Variants in GABRG1 observed in about 807,000 individuals in gnomAD.
GABRG1 encodes the protein gamma-aminobutyric acid type A receptor subunit gamma1.
GABRG1 carries 49 observed loss-of-function variants against 49.8 expected under a neutral mutation model. The ratio of observed to expected loss-of-function variants is 0.98; its 90% confidence interval spans 0.78 to 1.25. The LOEUF is 1.25. GABRG1 is among the 50% of genes most tolerant of loss of function. The probability of loss-of-function intolerance (pLI) is 0.00; values close to 1 mark genes in which losing one functional copy is unlikely to be tolerated. For synonymous variants in GABRG1, 232 were observed against 185.1 expected, an observed-to-expected ratio of 1.25 and a Z score of -2.06; for missense variants, 552 against 552.3, an observed-to-expected ratio of 1.00 and a Z score of 0.01.
chr4:46,116,425 G>A (rs1720889306), intron 1 of GABRG1, among the ~76,000 whole-genome samples: 1 of 150,728 alleles, frequency 6.6e-6, no homozygotes, highest in Non-Finnish European at 1.5e-5. Flanking sequence ...CACACTCTCT[G>A]AGACTTTGGG....
At chr4:46,081,028 C>T (rs554460012) in intron 3 of GABRG1, among the ~76,000 whole-genome samples, 1 of 151,972 alleles carries the variant, frequency 6.6e-6, no homozygotes, top group East Asian at 1.9e-4. Flanking sequence ...AGAACTAATA[C>T]TAAAAAGATT....
At chr4:46,044,789 A>T (rs1717925767) in intron 8 of GABRG1, among the ~76,000 whole-genome samples, 1 of 152,128 alleles carries the variant, frequency 6.6e-6, no homozygotes, top group Non-Finnish European at 1.5e-5. Flanking sequence ...CCTACTGTGC[A>T]TGTAGAGAGT....
intron 1 of GABRG1, among the ~76,000 whole-genome samples, chr4:46,122,953 G>T (rs1721133259): frequency 6.6e-6 from 1 of 151,956 alleles, no homozygotes; most frequent in Non-Finnish European, 1.5e-5. Context: ...TATAATCGAA[G>T]AATGATACCT....
At position 46,096,303 on chromosome 4, in the gene GABRG1, A is replaced by C. The variant is rs1344923331; in HGVS notation, c.253+898T>G. ...CAGTATGTGGGAGTTAAATAATATC[A>C]ATAACAACTGAGAATCCCGAGTAAA... is the stretch of plus-strand genomic sequence containing the variant. On this transcript the variant is annotated intron_variant, in intron 2 of 8. Coordinates refer to ENST00000295452, the MANE Select transcript of GABRG1 (RefSeq NM_173536.4). Among the ~76,000 whole-genome samples, 3 of 151,738 alleles carry C rather than the reference A, an allele frequency of 2.0e-5. No individual in the cohort carries two copies. In the East Asian group the frequency reaches 5.8e-4, roughly 29 times the overall value.
intron 5 of GABRG1, among the ~76,000 whole-genome samples, chr4:46,064,188 G>T (rs1003098666): frequency 1.3e-5 from 2 of 151,794 alleles, no homozygotes; most frequent in Non-Finnish European, 1.5e-5. Context: ...ATAAAAATAA[G>T]CAAATAGCAT....
chr4:46,103,430 G>A (rs1161727437), intron 1 of GABRG1, among the ~76,000 whole-genome samples: 1 of 151,316 alleles, frequency 6.6e-6, no homozygotes, highest in Non-Finnish European at 1.5e-5. Flanking sequence ...TAGTTAGTTG[G>A]TCATTATTTC....
At chr4:46,111,321 A>G (rs1275916608) in intron 1 of GABRG1, among the ~76,000 whole-genome samples, 1 of 151,190 alleles carries the variant, frequency 6.6e-6, no homozygotes, top group Non-Finnish European at 1.5e-5. Flanking sequence ...GAACTACAAA[A>G]CACTGCTAAA....
intron 2 of GABRG1, among the ~76,000 whole-genome samples, chr4:46,090,939 CACACACACACACACAT>C (rs1175135570): frequency 7.3e-4 from 101 of 138,748 alleles, no homozygotes; most frequent in African/African-American, 2.8e-3. Flanking sequence ...GGAATACACA[CACACACACACACACAT>C]ACACACACAC....
chr4:46,090,744 A>G (rs1296687440), intron 2 of GABRG1, among the ~76,000 whole-genome samples: 1 of 152,022 alleles, frequency 6.6e-6, no homozygotes, highest in Non-Finnish European at 1.5e-5. Flanking sequence ...TTCCCTGAAG[A>G]TAATGAAAAT....
At chr4:46,116,156 C>G (rs1162283759) in intron 1 of GABRG1, among the ~76,000 whole-genome samples, 1 of 150,874 alleles carries the variant, frequency 6.6e-6, no homozygotes, top group African/African-American at 2.4e-5. Flanking sequence ...AAACTACAAA[C>G]CACCCATCCA....
chr4:46,064,935 A>G (rs2109408462), intron 4 of GABRG1, among the ~76,000 whole-genome samples: 1 of 152,168 alleles, frequency 6.6e-6, no homozygotes, highest in East Asian at 1.9e-4. Flanking sequence ...GATATGTTTA[A>G]GTCAATGAGT....
chr4:46,122,558 A>T (rs1189223703), intron 1 of GABRG1, among the ~76,000 whole-genome samples: 1 of 152,040 alleles, frequency 6.6e-6, no homozygotes, highest in East Asian at 1.9e-4. Context: ...AGAAAACTTC[A>T]GTCCTACAAA....
chr4:46,080,257 G>T (rs1041264231), intron 3 of GABRG1, among the ~76,000 whole-genome samples: 1 of 151,560 alleles, frequency 6.6e-6, no homozygotes, highest in African/African-American at 2.4e-5. Flanking sequence ...AGTACTTAAG[G>T]GGGTGGCACC....
chr4:46,043,199 C>T (rs1717852447), intron 8 of GABRG1, among the ~76,000 whole-genome samples: 1 of 151,816 alleles, frequency 6.6e-6, no homozygotes, highest in African/African-American at 2.4e-5. Flanking sequence ...GTGTGTTTTT[C>T]AGAGGATATT....
intron 7 of GABRG1, among the ~76,000 whole-genome samples, chr4:46,052,113 A>G (rs904943011): frequency 1.3e-5 from 2 of 151,850 alleles, no homozygotes; most frequent in Admixed American, 6.6e-5. Context: ...GGCCAGACCA[A>G]TAGCACTATC....
chr4:46,072,991 T>C (rs551195789), intron 3 of GABRG1, among the ~76,000 whole-genome samples: 79 of 151,944 alleles, frequency 5.2e-4, no homozygotes, highest in Non-Finnish European at 1.0e-3. Context: ...TCTAGCAATC[T>C]GGCAAAAGAG....
chr4:46,050,699 T>C (rs192775839), intron 8 of GABRG1, among the ~76,000 whole-genome samples: 2 of 151,740 alleles, frequency 1.3e-5, no homozygotes, highest in African/African-American at 4.8e-5. Context: ...CAGGTCTGAG[T>C]CTTGGATCTT....
chr4:46,097,507 T>C (rs998520370), intron 1 of GABRG1, among the ~76,000 whole-genome samples, 158 bp from the exon 2 acceptor site: 2 of 151,676 alleles, frequency 1.3e-5, no homozygotes, highest in Admixed American at 1.3e-4. Context: ...ACATTTGTCA[T>C]ACAAAGTGCC....
At chr4:46,089,124 G>T (rs1276139419) in intron 2 of GABRG1, among the ~76,000 whole-genome samples, 1 of 151,970 alleles carries the variant, frequency 6.6e-6, no homozygotes, top group Admixed American at 6.6e-5. Context: ...GACCTCAAGA[G>T]AGTTGTGCAT....
Sources: allele counts gnomAD v4.1 joint callset (sites outside exome capture counted in the v4.1 genomes callset), GRCh38; gene constraint gnomAD v4.1.1; transcripts MANE v1.5; gene names NCBI Gene and HGNC (gene_info 2026-07-23, HGNC 2026-07-21).